The following BPNT2 variants were observed in gnomAD, a reference collection of about 807,000 sequenced individuals.
BPNT2 encodes the protein 3'(2'), 5'-bisphosphate nucleotidase 2, also known as Golgi-resident adenosine 3',5'-bisphosphate 3'-phosphatase.
Under a neutral mutation model 29.3 loss-of-function variants are expected in BPNT2, and 11 were observed. The observed-to-expected ratio is 0.38, with a 90% CI of 0.24 to 0.62. BPNT2 has a LOEUF of 0.62. Ranked by LOEUF, BPNT2 falls within the 20% of genes least tolerant of loss-of-function variation. The pLI is 0.62. For synonymous variants in BPNT2, 195 were observed against 187.7 expected (o/e 1.04, Z -0.32); for missense variants, 459 against 473.4 (o/e 0.97, Z 0.28).
chr8:56,989,548 T>C (rs1443219676), intron 1 of BPNT2, among the ~76,000 whole-genome samples: 3 of 152,308 alleles, frequency 2.0e-5, no homozygotes, highest in Non-Finnish European at 2.9e-5. Context: ...TGCAGAAGGC[T>C]ATGCAAATGT....
intron 3 of BPNT2, among the ~76,000 whole-genome samples, chr8:56,970,557 T>C (rs1161163228): frequency 2.0e-5 from 3 of 152,180 alleles, no homozygotes; most frequent in African/African-American, 7.2e-5. Context: ...TGCTTGTTGG[T>C]TGACTGGATC....
At chr8:56,990,477 C>T (rs1333511706) in intron 1 of BPNT2, among the ~76,000 whole-genome samples, 1 of 152,076 alleles carries the variant, frequency 6.6e-6, no homozygotes, top group Non-Finnish European at 1.5e-5. Flanking sequence ...AGACTAGCTG[C>T]CCAGAGGACT....
chr8:56,971,181 T>C (rs1806024337), intron 3 of BPNT2, among the ~76,000 whole-genome samples: 1 of 147,780 alleles, frequency 6.8e-6, no homozygotes, highest in African/African-American at 2.5e-5. Context: ...GGTGCTTAAA[T>C]AAATGTAAAT....
intron 1 of BPNT2, among the ~76,000 whole-genome samples, chr8:56,983,642 G>T (rs894057391): frequency 6.6e-6 from 1 of 152,104 alleles, no homozygotes; most frequent in Non-Finnish European, 1.5e-5. Flanking sequence ...ACAAAGTTTA[G>T]AAAGAAAAAC....
At chr8:56,974,972 T>C (rs1357592439) in intron 3 of BPNT2, among the ~76,000 whole-genome samples, 3 of 152,234 alleles carry the variant, frequency 2.0e-5, no homozygotes, top group African/African-American at 4.8e-5. Context: ...ATTTCCTTTA[T>C]TGAGCTTCCA....
chr8:56,974,746 G>C (rs12548157), intron 3 of BPNT2, among the ~76,000 whole-genome samples: 1 of 152,146 alleles, frequency 6.6e-6, no homozygotes, highest in Admixed American at 6.6e-5. Context: ...AACTTAAAAA[G>C]ACATTTTTAG....
chr8:56,993,246 T>G lies in BPNT2; in HGVS notation c.340A>C (p.Asn114His). Residue 114 changes from asparagine (N) to histidine (H), a missense_variant, in exon 1 of 5, where the codon AAC (asparagine) becomes CAC (histidine). Transcript: ENST00000262644. ...DKMTSGDVLSNRKMFYLLKTA... is the reference protein window; with the variant it reads ...DKMTSGDVLSHRKMFYLLKTA... ...TTGAGCAGGTAGAACATCTTGCGGT[T>G]GGACAGCACGTCGCCGCTGGTCATC... 6.2e-7 allele frequency: 1 copy of G among 1,608,176 alleles called. No individual in the cohort carries two copies. The highest frequency in any genetic ancestry group is 1.1e-5 in the South Asian group (1 of 91,016).
At chr8:56,968,272 T>A (rs986058110) in intron 3 of BPNT2, among the ~76,000 whole-genome samples, 6 of 150,164 alleles carry the variant, frequency 4.0e-5, no homozygotes, top group African/African-American at 1.5e-4. Context: ...TAGCACTAAA[T>A]CACAGGACAC....
chr8:56,990,097 T>C (rs1199465994), intron 1 of BPNT2, among the ~76,000 whole-genome samples: 2 of 152,204 alleles, frequency 1.3e-5, no homozygotes, highest in Admixed American at 1.3e-4. Flanking sequence ...CTCAAACTTT[T>C]CTGGGACATA....
At position 56,993,170 on chromosome 8, in the gene BPNT2, G is replaced by T. The variant is rs777229086; in HGVS notation, c.387+29C>A. 7 of 1,581,512 alleles carry T rather than the reference G, an allele frequency of 4.4e-6. No individual in the cohort carries two copies. In the African/African-American group the frequency reaches 6.7e-5, roughly 15 times the overall value. On this transcript the variant is annotated intron_variant, in intron 1 of 4. Coordinates refer to ENST00000262644, the MANE Select transcript of BPNT2 (RefSeq NM_017813.5). The stretch of plus-strand genomic sequence containing the variant: ...CGGGCCGAGACGCGCTACCCGGCTC[G>T]AGTGGGCGCTCCGCCCGTGGGCTCC...
chr8:56,969,257 T>C (rs1805995531), intron 3 of BPNT2, among the ~76,000 whole-genome samples: 2 of 152,234 alleles, frequency 1.3e-5, no homozygotes, highest in Admixed American at 1.3e-4. Flanking sequence ...AAAGACTGTA[T>C]AACTAGCCAA....
At chr8:56,993,053 G>C in intron 1 of BPNT2, 146 bp downstream of exon 1, 1 of 1,500,874 alleles carries the variant, frequency 6.7e-7, no homozygotes, top group Non-Finnish European at 8.9e-7. Context: ...TCTGCTGTCT[G>C]TCTGACCTTG....
intron 3 of BPNT2, among the ~76,000 whole-genome samples, chr8:56,976,938 A>G (rs1405866005): frequency 6.6e-6 from 1 of 152,200 alleles, no homozygotes; most frequent in Non-Finnish European, 1.5e-5. Flanking sequence ...AAGCACTGAC[A>G]TGATGTCACA....
At chr8:56,984,909 G>T (rs1341946726) in intron 1 of BPNT2, among the ~76,000 whole-genome samples, 3 of 151,852 alleles carry the variant, frequency 2.0e-5, no homozygotes, top group African/African-American at 7.3e-5. Flanking sequence ...CTGTACCCCA[G>T]ACTTACTAGT....
At chr8:56,972,464 T>C (rs1035870222) in intron 3 of BPNT2, among the ~76,000 whole-genome samples, 1 of 152,114 alleles carries the variant, frequency 6.6e-6, no homozygotes, top group Non-Finnish European at 1.5e-5. Flanking sequence ...CATGAAGCCA[T>C]TGCTGAAGCT....
chr8:56,984,868 G>A (rs990012347), intron 1 of BPNT2, among the ~76,000 whole-genome samples: 7 of 152,062 alleles, frequency 4.6e-5, no homozygotes, highest in Non-Finnish European at 7.4e-5. Context: ...GTGCTATCCC[G>A]TAATCTCTCT....
intron 4 of BPNT2, 199 bp from the exon 5 acceptor site, chr8:56,964,263 A>G: frequency 2.0e-6 from 1 of 499,088 alleles, no homozygotes; most frequent in Non-Finnish European, 3.5e-6. Flanking sequence ...ACTCAGAACA[A>G]AAATACATTG....
chr8:56,967,155 C>T, intron 3 of BPNT2: 1 of 456,222 alleles, frequency 2.2e-6, no homozygotes, highest in South Asian at 1.5e-5. Flanking sequence ...TCACTCACTA[C>T]AGGGCAAGAT....
intron 3 of BPNT2, among the ~76,000 whole-genome samples, chr8:56,973,048 C>G (rs1185033936): frequency 6.6e-6 from 1 of 152,160 alleles, no homozygotes; most frequent in Admixed American, 6.5e-5. Flanking sequence ...AAAACACCAG[C>G]TGCTTGCTAG....
Sources: gnomAD v4.1 joint callset for allele counts (sites outside exome capture counted in the v4.1 genomes callset) on GRCh38, gnomAD v4.1.1 for gene constraint, MANE v1.5 for transcripts, NCBI Gene and HGNC (gene_info 2026-07-23, HGNC 2026-07-21) for gene names.